The following KCMF1 variants were observed in gnomAD, a reference collection of about 807,000 sequenced individuals.
KCMF1 encodes E3 ubiquitin-protein ligase KCMF1.
In KCMF1, 3 loss-of-function variants were observed where a neutral mutation model predicts 41.1. That is an observed-to-expected ratio of 0.07 (90% CI 0.03 to 0.19). The LOEUF (loss-of-function observed/expected upper bound fraction) is 0.19. KCMF1 is among the 10% of genes least tolerant of loss of function. The pLI, the probability that KCMF1 is intolerant of heterozygous loss-of-function variation, is 1.00. For synonymous variants in KCMF1, 142 were observed against 164.5 expected (o/e 0.86, Z 1.04); for missense variants, 286 against 488.9 (o/e 0.58, Z 3.91).
intron 1 of KCMF1, among the ~76,000 whole-genome samples, chr2:85,011,151 T>C (rs1005970111): frequency 6.6e-6 from 1 of 152,190 alleles, no homozygotes; most frequent in Non-Finnish European, 1.5e-5. Flanking sequence ...AGTCTATTAC[T>C]TTTATTATTT....
intron 2 of KCMF1, 136 bp downstream of exon 2, chr2:85,028,192 T>C (rs1675159389): frequency 1.7e-6 from 1 of 586,610 alleles, no homozygotes; most frequent in South Asian, 2.4e-5. Context: ...TAAATCTTAC[T>C]TTTTTTTGAG....
chr2:84,989,057 A>G (rs936526213), intron 1 of KCMF1, among the ~76,000 whole-genome samples: 8 of 152,230 alleles, frequency 5.3e-5, no homozygotes, highest in African/African-American at 1.9e-4. Flanking sequence ...AGGTTGTACA[A>G]AACCAGATAG....
chr2:85,027,725 T>C (rs1675148185), intron 1 of KCMF1, among the ~76,000 whole-genome samples, 164 bp from the exon 2 acceptor site: 1 of 152,140 alleles, frequency 6.6e-6, no homozygotes, highest in African/African-American at 2.4e-5. Flanking sequence ...ATCAGAGTAA[T>C]GAATCCAGCA....
At chr2:84,980,724 C>T (rs1442742144) in intron 1 of KCMF1, among the ~76,000 whole-genome samples, 1 of 151,990 alleles carries the variant, frequency 6.6e-6, no homozygotes, top group African/African-American at 2.4e-5. Flanking sequence ...TTACTGCAGC[C>T]TCAACCTTTG....
chr2:85,052,299 G>A (rs941409093), intron 6 of KCMF1, among the ~76,000 whole-genome samples: 3 of 152,136 alleles, frequency 2.0e-5, no homozygotes, highest in African/African-American at 7.2e-5. Context: ...TCAAACTCCT[G>A]ACCTCAGGTG....
chr2:85,037,298 C>A (rs952702631), intron 3 of KCMF1, among the ~76,000 whole-genome samples: 2 of 152,070 alleles, frequency 1.3e-5, no homozygotes, highest in African/African-American at 4.8e-5. Flanking sequence ...CTAGACATTT[C>A]AAAGTGAAAA....
chr2:85,008,343 A>C, intron 1 of KCMF1, among the ~76,000 whole-genome samples: 1 of 55,084 alleles, frequency 1.8e-5, no homozygotes, highest in Admixed American at 2.7e-4. Context: ...ATAATATGAT[A>C]TATAATATAT....
At chr2:85,051,330 C>G (rs530823209) in intron 6 of KCMF1, among the ~76,000 whole-genome samples, 1 of 152,304 alleles carries the variant, frequency 6.6e-6, no homozygotes, top group East Asian at 1.9e-4. Flanking sequence ...AAAAGGAGAT[C>G]TACTAGCGTG....
intron 2 of KCMF1, among the ~76,000 whole-genome samples, chr2:85,032,465 C>T (rs1435491411): frequency 1.3e-5 from 2 of 152,144 alleles, no homozygotes; most frequent in African/African-American, 4.8e-5. Context: ...CAACCTCTGC[C>T]TCCCGGGTTC....
At position 85,037,892 on chromosome 2, in the gene KCMF1, C is replaced by T. The variant is rs888684907; in HGVS notation, c.324+2737C>T. Among the ~76,000 whole-genome samples, 4 of 152,188 alleles carry T rather than the reference C, an allele frequency of 2.6e-5. No individual in the cohort carries two copies. The South Asian group carries it at 6.2e-4, about 24-fold the overall frequency. On this transcript the variant is annotated intron_variant, in intron 3 of 6. Transcript: ENST00000409785. ...GGACATTACCGCCTGAACTCCACTCCCTGTCAGATCAGCAACATCATTAGA... is the reference window on the plus strand; with the variant it reads ...GGACATTACCGCCTGAACTCCACTCTCTGTCAGATCAGCAACATCATTAGA...
intron 1 of KCMF1, among the ~76,000 whole-genome samples, chr2:84,982,389 CTTTTTTTTTTTTTTTTTTTTT>C (rs34687477): frequency 1.7e-4 from 8 of 47,254 alleles, no homozygotes; most frequent in Admixed American, 3.7e-4. Context: ...TCCTTATTTT[CTTTTTTTTTTTTTTTTTTTTT>C]TTTTTTTTTT....
Position 85,035,146 on chromosome 2 carries a change from A to G in KCMF1, c.315A>G (p.Ser105=). Residue 105 remains serine (S), a synonymous_variant, in exon 3 of 7, where the codon TCA becomes TCG. Coordinates refer to ENST00000409785, the MANE Select transcript of KCMF1 (RefSeq NM_020122.5). ...TTACTTCTGAACATGCAGAAACATCAACAGAAGTGGTAAGTGAAGCAGCAA... is the reference window on the plus strand; with the variant it reads ...TTACTTCTGAACATGCAGAAACATCGACAGAAGTGGTAAGTGAAGCAGCAA... The part of the protein sequence containing the change: ...EHVTSEHAET[S]TEVICPICAA... The G allele has an allele frequency of 6.2e-7, 1 of 1,612,308 alleles. No individual in the cohort carries two copies. Among genetic ancestry groups the G allele is most frequent in the Non-Finnish European group, 8.5e-7 (1 of 1,179,276 alleles).
intron 2 of KCMF1, among the ~76,000 whole-genome samples, chr2:85,029,743 G>A (rs530161133): frequency 4.8e-5 from 7 of 144,846 alleles, no homozygotes; most frequent in Admixed American, 2.8e-4. Flanking sequence ...GTGCAATGGC[G>A]CCATCTCAGC....
At chr2:84,978,802 A>G (rs1020051885) in intron 1 of KCMF1, among the ~76,000 whole-genome samples, 1 of 151,374 alleles carries the variant, frequency 6.6e-6, no homozygotes, top group Non-Finnish European at 1.5e-5. Flanking sequence ...CACAACCTCC[A>G]CTTCCTGGGT....
Position 85,058,759 on chromosome 2 carries a change from C to T in KCMF1, c.*5350C>T, listed in dbSNP as rs927610786. ...GGTCATCAAGCCGGTTGCGTTTGGT[C>T]AGTCACGTGACCAATCAGAGCTGGT... On this transcript the variant is annotated 3_prime_UTR_variant, in exon 7 of 7. Coordinates refer to ENST00000409785, the MANE Select transcript of KCMF1 (RefSeq NM_020122.5). The T allele has an allele frequency of 1.3e-5, 2 of 152,196 alleles. No individual in the cohort carries two copies. Among genetic ancestry groups the T allele is most frequent in the Non-Finnish European group, 2.9e-5 (2 of 68,040 alleles). 9.4% of individuals were successfully genotyped at this position (152,196 alleles called of 1,614,324 possible). A position where few individuals can be genotyped will look rare whatever the true frequency, so the allele number is the denominator to read the frequency against.
At chr2:84,995,075 G>A (rs1674143340) in intron 1 of KCMF1, among the ~76,000 whole-genome samples, 2 of 151,046 alleles carry the variant, frequency 1.3e-5, no homozygotes, top group Admixed American at 1.3e-4. Context: ...ATGCTGGAGT[G>A]CAGTGGTGCG....
chr2:84,999,686 A>G (rs1674280709), intron 1 of KCMF1, among the ~76,000 whole-genome samples: 1 of 152,250 alleles, frequency 6.6e-6, no homozygotes, highest in Admixed American at 6.5e-5. Context: ...GAATGAGTAA[A>G]AGCAGAATTA....
At chr2:85,050,276 A>G (rs1387741456) in intron 6 of KCMF1, among the ~76,000 whole-genome samples, 3 of 152,222 alleles carry the variant, frequency 2.0e-5, no homozygotes, top group Non-Finnish European at 4.4e-5. Context: ...AGGTGTATTT[A>G]TCATAATTAA....
chr2:84,977,606 A>G (rs1352217329), intron 1 of KCMF1, among the ~76,000 whole-genome samples: 2 of 149,754 alleles, frequency 1.3e-5, no homozygotes, highest in African/African-American at 4.9e-5. Flanking sequence ...TCTTTTTTGT[A>G]GAGACTGGAT....
Sources: allele counts gnomAD v4.1 joint callset (sites outside exome capture counted in the v4.1 genomes callset), GRCh38; gene constraint gnomAD v4.1.1; transcripts MANE v1.5; gene names NCBI Gene and HGNC (gene_info 2026-07-23, HGNC 2026-07-21).